HS3ST4: variants seen among roughly 807,000 people sequenced by gnomAD.
HS3ST4 encodes heparan sulfate glucosamine 3-O-sulfotransferase 4.
In HS3ST4, 17 loss-of-function variants were observed where a neutral mutation model predicts 29.2. That is an observed-to-expected ratio of 0.58 (90% CI 0.40 to 0.87). HS3ST4 has a LOEUF of 0.87. HS3ST4 is among the 40% of genes least tolerant of loss of function. HS3ST4 has a pLI of 0.00. For synonymous variants in HS3ST4, 314 were observed against 285.7 expected, an observed-to-expected ratio of 1.10 and a Z score of -1.00; for missense variants, 627 against 634.5, an observed-to-expected ratio of 0.99 and a Z score of 0.13.
At chr16:26,083,788 T>C (rs1416119824) in intron 1 of HS3ST4, among the ~76,000 whole-genome samples, 1 of 152,066 alleles carries the variant, frequency 6.6e-6, no homozygotes, top group Non-Finnish European at 1.5e-5. Flanking sequence ...ACATGTGCCC[T>C]AAGTAAGAAA....
chr16:25,845,655 A>AATAATC (rs889945816), intron 1 of HS3ST4, among the ~76,000 whole-genome samples: 10 of 136,972 alleles, frequency 7.3e-5, no homozygotes, highest in Non-Finnish European at 1.3e-4. Flanking sequence ...ATGTAATAAT[A>AATAATC]ATAATAATAA....
At chr16:25,899,796 G>A (rs987869499) in intron 1 of HS3ST4, among the ~76,000 whole-genome samples, 1 of 151,882 alleles carries the variant, frequency 6.6e-6, no homozygotes, top group African/African-American at 2.4e-5. Flanking sequence ...AACCCCATGA[G>A]GACTTCTCCT....
chr16:26,101,474 G>A (rs1898989154), intron 1 of HS3ST4, among the ~76,000 whole-genome samples: 1 of 152,212 alleles, frequency 6.6e-6, no homozygotes, highest in African/African-American at 2.4e-5. Context: ...CAGAGAACTT[G>A]TCCATCATCC....
At chr16:25,875,716 G>A (rs1276993576) in intron 1 of HS3ST4, among the ~76,000 whole-genome samples, 2 of 152,096 alleles carry the variant, frequency 1.3e-5, no homozygotes, top group Non-Finnish European at 2.9e-5. Context: ...GGAATTTCCA[G>A]TAGCCCTAAG....
At chr16:25,797,843 C>A (rs1186516057) in intron 1 of HS3ST4, among the ~76,000 whole-genome samples, 1 of 152,152 alleles carries the variant, frequency 6.6e-6, no homozygotes, top group Non-Finnish European at 1.5e-5. Flanking sequence ...AATCAAGAGC[C>A]CTCAAGGATG....
intron 1 of HS3ST4, among the ~76,000 whole-genome samples, chr16:25,763,761 A>G (rs1437090351): frequency 6.6e-6 from 1 of 152,226 alleles, no homozygotes. Flanking sequence ...AAGGCTTCAG[A>G]TGCCACCACA....
intron 1 of HS3ST4, among the ~76,000 whole-genome samples, chr16:25,849,359 A>G (rs575280837): frequency 6.6e-6 from 1 of 152,312 alleles, no homozygotes; most frequent in South Asian, 2.1e-4. Context: ...CATCATTAAA[A>G]TCCTTCTTTT....
At chr16:25,815,607 G>A (rs12445028) in intron 1 of HS3ST4, among the ~76,000 whole-genome samples, 1 of 152,170 alleles carries the variant, frequency 6.6e-6, no homozygotes, top group Non-Finnish European at 1.5e-5. Flanking sequence ...CCAGGCATGA[G>A]CTACTGTGCC....
chr16:26,043,873 C>T (rs541428183), intron 1 of HS3ST4, among the ~76,000 whole-genome samples: 1 of 152,158 alleles, frequency 6.6e-6, no homozygotes, highest in South Asian at 2.1e-4. Context: ...TCTGCCTCCC[C>T]CTCTTCATTC....
chr16:25,891,713 G>A (rs987838203), intron 1 of HS3ST4, among the ~76,000 whole-genome samples: 3 of 152,242 alleles, frequency 2.0e-5, no homozygotes, highest in African/African-American at 4.8e-5. Flanking sequence ...TAAGAAAGCT[G>A]TGGGATGGGA....
intron 1 of HS3ST4, among the ~76,000 whole-genome samples, chr16:26,057,022 C>T (rs903244962): frequency 6.6e-6 from 1 of 152,116 alleles, no homozygotes; most frequent in Non-Finnish European, 1.5e-5. Flanking sequence ...ATCCCAAATG[C>T]CCCCAGATCT....
At chr16:26,059,644 C>T (rs1898451860) in intron 1 of HS3ST4, among the ~76,000 whole-genome samples, 1 of 152,194 alleles carries the variant, frequency 6.6e-6, no homozygotes, top group South Asian at 2.1e-4. Context: ...CATAAACCCT[C>T]TTAGCCTGAT....
At chr16:25,741,585 G>T (rs1440514824) in intron 1 of HS3ST4, among the ~76,000 whole-genome samples, 3 of 152,060 alleles carry the variant, frequency 2.0e-5, no homozygotes, top group African/African-American at 7.2e-5. Flanking sequence ...AAACCCTTTT[G>T]TCTGCAGTAT....
chr16:25,730,243 T>A (rs931867320), intron 1 of HS3ST4, among the ~76,000 whole-genome samples: 18 of 152,320 alleles, frequency 1.2e-4, no homozygotes, highest in African/African-American at 4.3e-4. Flanking sequence ...GACATTTTTT[T>A]CTTCCTGTTG....
chr16:25,943,942 A>T (rs1048967470), intron 1 of HS3ST4, among the ~76,000 whole-genome samples: 1 of 150,600 alleles, frequency 6.6e-6, no homozygotes, highest in Non-Finnish European at 1.5e-5. Context: ...TTAACTATAA[A>T]TCGCTTTCAG....
At chr16:25,893,320 A>C (rs1002403086) in intron 1 of HS3ST4, among the ~76,000 whole-genome samples, 2 of 152,324 alleles carry the variant, frequency 1.3e-5, no homozygotes, top group African/African-American at 2.4e-5. Flanking sequence ...AAGCTGTTGG[A>C]GATTTTAAAG....
chr16:26,027,878 C>A (rs1373771287), intron 1 of HS3ST4, among the ~76,000 whole-genome samples: 1 of 152,152 alleles, frequency 6.6e-6, no homozygotes, highest in Non-Finnish European at 1.5e-5. Context: ...ATGGTCTTAA[C>A]CCTTTGCAAA....
chr16:25,934,033 G>A (rs1968491906), intron 1 of HS3ST4, among the ~76,000 whole-genome samples: 1 of 152,230 alleles, frequency 6.6e-6, no homozygotes, highest in African/African-American at 2.4e-5. Flanking sequence ...ATCTTAGAAA[G>A]GGTCAGATGA....
intron 1 of HS3ST4, among the ~76,000 whole-genome samples, chr16:26,015,709 C>G (rs1279664944): frequency 6.6e-6 from 1 of 152,152 alleles, no homozygotes; most frequent in African/African-American, 2.4e-5. Flanking sequence ...TCTGAGGGTC[C>G]AAGCACAAAT....
Sources: gnomAD v4.1 joint callset for allele counts (sites outside exome capture counted in the v4.1 genomes callset) on GRCh38, gnomAD v4.1.1 for gene constraint, MANE v1.5 for transcripts, NCBI Gene and HGNC (gene_info 2026-07-23, HGNC 2026-07-21) for gene names.